Variants in MME observed in about 807,000 individuals in gnomAD.
MME encodes the protein neprilysin.
Under a neutral mutation model 113.2 loss-of-function variants are expected in MME, and 98 were observed. The ratio of observed to expected loss-of-function variants is 0.87; its 90% confidence interval spans 0.74 to 1.02. MME has a LOEUF of 1.02. Among genes scored for constraint, MME ranks in the 50% least tolerant of loss-of-function variants. MME has a pLI of 0.00. For synonymous variants in MME, 292 were observed against 300.6 expected (o/e 0.97, Z 0.30); for missense variants, 836 against 896.0 (o/e 0.93, Z 0.86).
intron 1 of MME, among the ~76,000 whole-genome samples, chr3:155,031,949 G>A (rs1455499090): frequency 6.6e-6 from 1 of 152,188 alleles, no homozygotes; most frequent in Non-Finnish European, 1.5e-5. Flanking sequence ...ATGAGCCATC[G>A]CACCCGGCCA....
chr3:155,093,169 A>G (rs1049608940), intron 3 of MME, among the ~76,000 whole-genome samples: 1 of 152,000 alleles, frequency 6.6e-6, no homozygotes. Context: ...TGTTGAGTCC[A>G]TTGAGCTCCA....
chr3:155,174,166 A>G (rs1262220386), intron 22 of MME, among the ~76,000 whole-genome samples: 1 of 152,158 alleles, frequency 6.6e-6, no homozygotes, highest in African/African-American at 2.4e-5. Flanking sequence ...GCAGTTAAGT[A>G]AAACGTACAT....
At chr3:155,137,916 T>G (rs539829154) in intron 8 of MME, among the ~76,000 whole-genome samples, 186 bp from the exon 9 acceptor site, 3 of 138,104 alleles carry the variant, frequency 2.2e-5, no homozygotes, top group Non-Finnish European at 3.3e-5. Flanking sequence ...TTTAAGCTCT[T>G]ATTCAAAGAT....
chr3:155,176,857 A>G (rs547300713), intron 22 of MME, among the ~76,000 whole-genome samples: 1 of 152,242 alleles, frequency 6.6e-6, no homozygotes, highest in African/African-American at 2.4e-5. Context: ...CAAAGATTTG[A>G]TGTCATAAAC....
chr3:155,051,972 C>T (rs1017233875), intron 1 of MME, among the ~76,000 whole-genome samples: 1 of 152,178 alleles, frequency 6.6e-6, no homozygotes, highest in African/African-American at 2.4e-5. Flanking sequence ...GATAAATACA[C>T]CTGTTCCAAA....
At chr3:155,057,023 G>T (rs548940466) in intron 1 of MME, among the ~76,000 whole-genome samples, 6,650 of 152,170 alleles carry the variant, frequency 0.044, 159 homozygotes, top group African/African-American at 0.052. Context: ...TACCATTCAG[G>T]ACATAGGCAT....
chr3:155,160,698 TTTATC>T (rs1294879904), intron 17 of MME, among the ~76,000 whole-genome samples: 1 of 152,074 alleles, frequency 6.6e-6, no homozygotes, highest in Non-Finnish European at 1.5e-5. Context: ...TCTAAAATGG[TTTATC>T]TTATTTCTAA....
chr3:155,047,540 C>T (rs1429442233), intron 1 of MME, among the ~76,000 whole-genome samples: 1 of 152,136 alleles, frequency 6.6e-6, no homozygotes, highest in East Asian at 1.9e-4. Context: ...TTTAAAAAGA[C>T]AAGTCTCTAC....
rs943410059 is a variant in MME at position 155,172,008 on chromosome 3, G to T, written c.1981-109G>T. On this transcript the variant is annotated intron_variant, in intron 20 of 22. Coordinates refer to ENST00000360490, the MANE Select transcript of MME (RefSeq NM_007289.4). ...TACCATAACTAAATGTATTATCAGG[G>T]TGATTTTAACATAAAATGTTAATTA... The T allele has an allele frequency of 2.0e-5, 14 of 693,284 alleles. No individual in the cohort carries two copies. In the African/African-American group the frequency reaches 2.4e-4, roughly 12 times the overall value. 42.9% of individuals were successfully genotyped at this position (693,284 alleles called of 1,614,324 possible).
At chr3:155,043,813 C>T (rs933176043) in intron 1 of MME, among the ~76,000 whole-genome samples, 1 of 152,024 alleles carries the variant, frequency 6.6e-6, no homozygotes, top group Non-Finnish European at 1.5e-5. Flanking sequence ...AAGTCTTCTG[C>T]TGTCACTTTT....
chr3:155,125,278 A>T (rs9856798), intron 8 of MME, among the ~76,000 whole-genome samples: 7 of 106,024 alleles, frequency 6.6e-5, no homozygotes, highest in African/African-American at 1.7e-4. Context: ...GCTTCGGCTC[A>T]CGCACGGTGC....
At chr3:155,128,709 G>A (rs1719896444) in intron 8 of MME, among the ~76,000 whole-genome samples, 1 of 152,012 alleles carries the variant, frequency 6.6e-6, no homozygotes, top group Admixed American at 6.6e-5. Flanking sequence ...TGTAAATGAA[G>A]TGGAAGCAAT....
In MME at chr3:155,118,745, G is replaced by C. The variant is rs1718836921; in HGVS notation, c.655-1G>C. The C allele has an allele frequency of 1.9e-6, 3 of 1,581,874 alleles. No individual in the cohort carries two copies. Among genetic ancestry groups the C allele is most frequent in the Non-Finnish European group, 1.7e-6 (2 of 1,153,902 alleles). On this transcript the variant is annotated splice_acceptor_variant, in intron 7 of 22. Coordinates refer to ENST00000360490, the MANE Select transcript of MME (RefSeq NM_007289.4). LOFTEE classifies it high-confidence loss of function. Reference sequence around the variant, plus strand: ...TTTTCTTTTATGTATATTTTTTATAGATTGACCAACCTCGACTTGGCCTCC... The same window carrying C: ...TTTTCTTTTATGTATATTTTTTATACATTGACCAACCTCGACTTGGCCTCC...
At chr3:155,071,884 G>A (rs1020610778) in intron 1 of MME, among the ~76,000 whole-genome samples, 2 of 152,060 alleles carry the variant, frequency 1.3e-5, no homozygotes, top group Non-Finnish European at 2.9e-5. Context: ...ACTGTCGGCC[G>A]GGCGCGGTGG....
Position 155,138,115 on chromosome 3 carries a change from A to G in MME, c.734A>G (p.Tyr245Cys). The change falls in exon 9 of 23, where the codon TAT (tyrosine) becomes TGT (cysteine). Residue 245 changes from tyrosine to cysteine, a missense_variant. Tyr to Cys is a radical substitution (Grantham distance 194). Coordinates refer to ENST00000360490, the MANE Select transcript of MME (RefSeq NM_007289.4). ...TTTTTCTTGCAGGCTTGTACAGCAT[A>G]TGTGGATTTTATGATTTCTGTGGCC... The part of the protein sequence containing the change: ...TGIYKEACTA[Y>C]VDFMISVARL... 6.2e-7 allele frequency: 1 copy of G among 1,613,736 alleles called. No individual in the cohort carries two copies. The highest frequency in any genetic ancestry group is 8.5e-7 in the Non-Finnish European group (1 of 1,179,764).
intron 1 of MME, among the ~76,000 whole-genome samples, chr3:155,041,856 T>C (rs549770711): frequency 6.6e-6 from 1 of 152,204 alleles, no homozygotes; most frequent in Non-Finnish European, 1.5e-5. Flanking sequence ...GATCTGTATA[T>C]GAACCTAAGT....
At position 155,085,084 on chromosome 3, in the gene MME, C is replaced by A; in HGVS notation, c.186C>A (p.Cys62Ter). 1 of 1,584,612 alleles carries A rather than the reference C, an allele frequency of 6.3e-7. No individual in the cohort carries two copies. The highest frequency in any genetic ancestry group is 8.6e-7 in the Non-Finnish European group (1 of 1,157,412). ...ATGGTATTTGCAAGTCATCAGACTG[C>A]ATAAAATCAGGTAAGAAATGGTTTT... ...YDDGICKSSD[C>*]IKSAARLIQN... is the part of the protein sequence containing the mutation. The change falls in exon 3 of 23, where the codon TGC becomes TGA. Residue 62 changes from cysteine (C) to a stop codon, truncating the protein, a stop_gained. Coordinates refer to ENST00000360490, the MANE Select transcript of MME (RefSeq NM_007289.4). LOFTEE classifies it high-confidence loss of function.
intron 8 of MME, among the ~76,000 whole-genome samples, chr3:155,136,133 G>A (rs116726539): frequency 1.1e-3 from 162 of 152,134 alleles, no homozygotes; most frequent in Non-Finnish European, 1.9e-3. Flanking sequence ...CTTCTCTTTC[G>A]TTCTTTTGCC....
At chr3:155,119,755 T>G (rs1467636798) in intron 8 of MME, among the ~76,000 whole-genome samples, 17 of 147,024 alleles carry the variant, frequency 1.2e-4, no homozygotes, top group South Asian at 4.5e-4. Context: ...CATCATTTTT[T>G]ATGGCTGCAT....
Sources: allele counts gnomAD v4.1 joint callset (sites outside exome capture counted in the v4.1 genomes callset), GRCh38; gene constraint gnomAD v4.1.1; transcripts MANE v1.5; gene names NCBI Gene and HGNC (gene_info 2026-07-23, HGNC 2026-07-21).